The following CYP2J2 variants were observed in gnomAD, a reference collection of about 807,000 sequenced individuals.
The protein encoded by CYP2J2 is cytochrome P450 2J2.
CYP2J2 carries 41 observed loss-of-function variants against 48.8 expected under a neutral mutation model. The observed-to-expected ratio is 0.84, with a 90% CI of 0.66 to 1.09. CYP2J2 has a LOEUF of 1.09. Among genes scored for constraint, CYP2J2 ranks in the 50% least tolerant of loss-of-function variants. CYP2J2 has a pLI of 0.00. For missense variants in CYP2J2, 644 were observed against 617.3 expected, an observed-to-expected ratio of 1.04 and a Z score of -0.46; for synonymous variants, 221 against 227.1, an observed-to-expected ratio of 0.97 and a Z score of 0.24.
At chr1:59,924,496 CACTT>C (rs1432177425) in intron 1 of CYP2J2, among the ~76,000 whole-genome samples, 2 of 152,016 alleles carry the variant, frequency 1.3e-5, no homozygotes, top group African/African-American at 2.4e-5. Flanking sequence ...ATAGAGATAA[CACTT>C]ACAACAATTA....
chr1:59,906,693 G>A (rs1052005384), intron 6 of CYP2J2, among the ~76,000 whole-genome samples: 2 of 152,014 alleles, frequency 1.3e-5, no homozygotes, highest in African/African-American at 2.4e-5. Context: ...GTGTCTCTAG[G>A]AATTTCACTA....
At chr1:59,895,122 C>T (rs773600169) in intron 8 of CYP2J2, among the ~76,000 whole-genome samples, 1 of 152,222 alleles carries the variant, frequency 6.6e-6, no homozygotes, top group East Asian at 1.9e-4. Context: ...GAAATTAACA[C>T]TGATGCATGA....
chr1:59,950,854 TCTGA>T, the CYP2J2 span, among the ~76,000 whole-genome samples: 1 of 152,184 alleles, frequency 6.6e-6, no homozygotes, highest in Non-Finnish European at 1.5e-5. Flanking sequence ...CCGCATGGTC[TCTGA>T]CTGTTCAGTG....
chr1:59,929,253 A>G (rs1644591799), upstream of CYP2J2, among the ~76,000 whole-genome samples: 2 of 152,252 alleles, frequency 1.3e-5, no homozygotes, highest in Admixed American at 1.3e-4. Context: ...TCAAGTCAGT[A>G]AACAAATGAA....
chr1:59,906,474 G>A (rs536043901), intron 6 of CYP2J2, among the ~76,000 whole-genome samples: 49 of 151,848 alleles, frequency 3.2e-4, no homozygotes, highest in African/African-American at 1.2e-3. Context: ...ACCTGAAAGC[G>A]AAATAAATTA....
chr1:59,961,242 T>C, the CYP2J2 span, among the ~76,000 whole-genome samples: 4 of 152,156 alleles, frequency 2.6e-5, no homozygotes, highest in African/African-American at 7.2e-5. Context: ...TCATACCTGA[T>C]CAGGAATTCA....
chr1:59,914,842 G>C (rs1217798851), intron 2 of CYP2J2, among the ~76,000 whole-genome samples: 2 of 152,210 alleles, frequency 1.3e-5, no homozygotes, highest in African/African-American at 4.8e-5. Flanking sequence ...TTGCAGTTGA[G>C]ATAGAGGAAG....
chr1:59,962,658 T>G, the CYP2J2 span, among the ~76,000 whole-genome samples: 1 of 152,172 alleles, frequency 6.6e-6, no homozygotes, highest in Non-Finnish European at 1.5e-5. Flanking sequence ...ATAGTCATAA[T>G]GTTATAATTG....
At chr1:59,916,599 G>A (rs559179055) in intron 1 of CYP2J2, among the ~76,000 whole-genome samples, 1 of 152,206 alleles carries the variant, frequency 6.6e-6, no homozygotes, top group South Asian at 2.1e-4. Context: ...TGGGTATGGT[G>A]GTACATGCCT....
the CYP2J2 span, among the ~76,000 whole-genome samples, chr1:59,947,932 T>G: frequency 6.6e-6 from 1 of 152,192 alleles, no homozygotes; most frequent in African/African-American, 2.4e-5. Flanking sequence ...GTAACCCTTG[T>G]GTCTCTGCCA....
chr1:59,920,873 A>G (rs1644506660), intron 1 of CYP2J2, among the ~76,000 whole-genome samples: 1 of 152,158 alleles, frequency 6.6e-6, no homozygotes, highest in Non-Finnish European at 1.5e-5. Flanking sequence ...TTGTTGTGAT[A>G]AGTAATCATA....
chr1:59,916,980 T>C (rs1187283270), intron 1 of CYP2J2, among the ~76,000 whole-genome samples: 1 of 152,128 alleles, frequency 6.6e-6, no homozygotes, highest in Non-Finnish European at 1.5e-5. Context: ...AAACGTATGC[T>C]AGATAATACG....
the CYP2J2 span, among the ~76,000 whole-genome samples, chr1:59,955,863 C>T: frequency 8.6e-5 from 13 of 152,034 alleles, no homozygotes; most frequent in Middle Eastern, 3.4e-3. Context: ...ACTAACGAGA[C>T]GACACATGGA....
At chr1:59,911,170 C>T (rs900900076) in intron 4 of CYP2J2, among the ~76,000 whole-genome samples, 4 of 152,206 alleles carry the variant, frequency 2.6e-5, no homozygotes, top group Non-Finnish European at 2.9e-5. Flanking sequence ...CAATGAAATA[C>T]TAATCTGCAT....
At chr1:59,939,160 C>T in the CYP2J2 span, among the ~76,000 whole-genome samples, 1 of 152,122 alleles carries the variant, frequency 6.6e-6, no homozygotes, top group Non-Finnish European at 1.5e-5. Context: ...CTTTCTTTTC[C>T]CTACAATTGA....
intron 1 of CYP2J2, among the ~76,000 whole-genome samples, chr1:59,921,295 A>G (rs1644512417): frequency 6.6e-6 from 1 of 152,202 alleles, no homozygotes; most frequent in South Asian, 2.1e-4. Context: ...AAAAGATGAA[A>G]TGCTCCTGAT....
the CYP2J2 span, among the ~76,000 whole-genome samples, chr1:59,953,806 A>G: frequency 1.3e-5 from 2 of 152,272 alleles, no homozygotes; most frequent in South Asian, 4.2e-4. Context: ...CAAAGGGAAG[A>G]GCAGTGGAAG....
chr1:59,954,451 G>A, the CYP2J2 span, among the ~76,000 whole-genome samples: 4 of 152,062 alleles, frequency 2.6e-5, no homozygotes, highest in Non-Finnish European at 4.4e-5. Flanking sequence ...CAGATGACAA[G>A]ACATACAAAT....
At chr1:59,900,248 T>C (rs1644305418) in intron 8 of CYP2J2, among the ~76,000 whole-genome samples, 1 of 152,182 alleles carries the variant, frequency 6.6e-6, no homozygotes, top group Non-Finnish European at 1.5e-5. Flanking sequence ...CCCTTGTCCC[T>C]CTCTATCTCA....
Sources: gnomAD v4.1 joint callset for allele counts (sites outside exome capture counted in the v4.1 genomes callset) on GRCh38, gnomAD v4.1.1 for gene constraint, MANE v1.5 for transcripts, NCBI Gene and HGNC (gene_info 2026-07-23, HGNC 2026-07-21) for gene names.